The following KCNK10 variants were observed in gnomAD, a reference collection of about 807,000 sequenced individuals.
KCNK10 encodes the protein potassium channel subfamily K member 10.
In KCNK10, 25 loss-of-function variants were observed where a neutral mutation model predicts 47.7. The ratio of observed to expected loss-of-function variants is 0.52; its 90% confidence interval spans 0.38 to 0.73. KCNK10 has a LOEUF of 0.73. Among genes scored for constraint, KCNK10 ranks in the 30% least tolerant of loss-of-function variants. The probability of loss-of-function intolerance (pLI) is 0.00; values close to 1 mark genes in which losing one functional copy is unlikely to be tolerated. For missense variants in KCNK10, 563 were observed against 714.5 expected (o/e 0.79, Z 2.42); for synonymous variants, 303 against 285.6 (o/e 1.06, Z -0.61).
At chr14:88,274,567 G>A (rs867851233) in intron 1 of KCNK10, among the ~76,000 whole-genome samples, 694 of 19,266 alleles carry the variant, frequency 0.036, 8 homozygotes, top group East Asian at 0.078. Context: ...AAAAAAAAAA[G>A]ATCTTATGGC....
intron 1 of KCNK10, among the ~76,000 whole-genome samples, chr14:88,273,032 A>G (rs1032087222): frequency 1.3e-5 from 2 of 152,206 alleles, no homozygotes; most frequent in African/African-American, 4.8e-5. Context: ...CATGAGGCAT[A>G]AGGGACCAGA....
intron 1 of KCNK10, among the ~76,000 whole-genome samples, chr14:88,306,209 C>T (rs1176370225): frequency 6.6e-6 from 1 of 152,078 alleles, no homozygotes. Flanking sequence ...CCATGGTAGA[C>T]GAAATTCCTA....
At chr14:88,196,711 G>T (rs549555550) in intron 4 of KCNK10, among the ~76,000 whole-genome samples, 3 of 152,322 alleles carry the variant, frequency 2.0e-5, no homozygotes, top group East Asian at 3.9e-4. Context: ...GCAGAGCTCA[G>T]TTTACGGCTT....
intron 1 of KCNK10, among the ~76,000 whole-genome samples, chr14:88,285,453 G>T (rs1316284763): frequency 6.6e-6 from 1 of 152,114 alleles, no homozygotes; most frequent in African/African-American, 2.4e-5. Context: ...GTTGTGAGTG[G>T]CCTCTGTCTC....
intron 2 of KCNK10, among the ~76,000 whole-genome samples, chr14:88,255,698 A>G (rs1886935096): frequency 6.6e-6 from 1 of 151,954 alleles, no homozygotes. Context: ...CCAGGGAGTG[A>G]GATAACCTGC....
At chr14:88,242,491 A>C (rs897935895) in intron 2 of KCNK10, among the ~76,000 whole-genome samples, 3 of 152,192 alleles carry the variant, frequency 2.0e-5, no homozygotes, top group Non-Finnish European at 2.9e-5. Context: ...CAGGGGAAAA[A>C]AGCACCTTCT....
intron 1 of KCNK10, among the ~76,000 whole-genome samples, chr14:88,291,145 G>A (rs992361550): frequency 3.9e-5 from 6 of 152,202 alleles, no homozygotes; most frequent in Non-Finnish European, 7.3e-5. Flanking sequence ...GAAACTCCTG[G>A]TCGTGGAAAC....
rs1884422660 is a variant in KCNK10 at position 88,183,047 on chromosome 14, C to T, written c.*2488G>A. On this transcript the variant is annotated 3_prime_UTR_variant, in exon 7 of 7. Coordinates refer to ENST00000319231, the MANE Select transcript of KCNK10 (RefSeq NM_138317.3). ...CTGTGTCCATGAAGCTAGAAAGACA[C>T]ACATACACACAAACACACACAATCA... The T allele has an allele frequency of 1.3e-5, 2 of 152,348 alleles. No individual in the cohort carries two copies. The highest frequency in any genetic ancestry group is 2.4e-5 in the African/African-American group (1 of 41,434). 9.4% of individuals were successfully genotyped at this position (152,348 alleles called of 1,614,324 possible).
intron 4 of KCNK10, among the ~76,000 whole-genome samples, chr14:88,221,301 CAATAATAAT>C (rs55913907): frequency 6.9e-6 from 1 of 144,170 alleles, no homozygotes; most frequent in Non-Finnish European, 1.5e-5. Flanking sequence ...GACTCTGTCT[CAATAATAAT>C]AATAATAATA....
At chr14:88,189,649 T>C (rs781395966) in intron 5 of KCNK10, among the ~76,000 whole-genome samples, 4 of 152,122 alleles carry the variant, frequency 2.6e-5, no homozygotes, top group Non-Finnish European at 5.9e-5. Flanking sequence ...TGCGAAATAT[T>C]GTAAGGCTGT....
intron 3 of KCNK10, among the ~76,000 whole-genome samples, chr14:88,231,682 T>C (rs144899865): frequency 6.6e-6 from 1 of 152,312 alleles, no homozygotes; most frequent in African/African-American, 2.4e-5. Flanking sequence ...TTGAATTAGT[T>C]ACTGAGAAAG....
At chr14:88,302,186 T>C (rs1888114713) in intron 1 of KCNK10, among the ~76,000 whole-genome samples, 1 of 152,096 alleles carries the variant, frequency 6.6e-6, no homozygotes, top group Non-Finnish European at 1.5e-5. Context: ...GCGGTGCCCA[T>C]CAATGAGATG....
At chr14:88,288,732 A>T (rs1211665857) in intron 1 of KCNK10, among the ~76,000 whole-genome samples, 1 of 152,134 alleles carries the variant, frequency 6.6e-6, no homozygotes, top group Non-Finnish European at 1.5e-5. Context: ...CCGCCCAGCC[A>T]CACTGGTCTT....
At chr14:88,210,828 G>GA (rs1885432204) in intron 4 of KCNK10, among the ~76,000 whole-genome samples, 6 of 82,962 alleles carry the variant, frequency 7.2e-5, no homozygotes, top group African/African-American at 1.5e-4. Flanking sequence ...AAAAGTTAAA[G>GA]GAAAAAAAAA....
intron 4 of KCNK10, among the ~76,000 whole-genome samples, chr14:88,216,873 A>T (rs930503759): frequency 6.6e-6 from 1 of 152,140 alleles, no homozygotes; most frequent in Non-Finnish European, 1.5e-5. Context: ...AAATAAACTC[A>T]CGGCAGGGCG....
At chr14:88,224,906 G>A (rs189843196) in intron 4 of KCNK10, among the ~76,000 whole-genome samples, 1 of 152,138 alleles carries the variant, frequency 6.6e-6, no homozygotes, top group East Asian at 1.9e-4. Flanking sequence ...CACCATGCCC[G>A]GCAGAAAGCC....
intron 3 of KCNK10, chr14:88,235,253 G>T (rs1227293031): frequency 2.2e-6 from 1 of 456,632 alleles, no homozygotes. Context: ...TTGGCAGAAA[G>T]CTGGTCCAGG....
At chr14:88,207,277 A>T (rs919768569) in intron 4 of KCNK10, among the ~76,000 whole-genome samples, 5 of 145,278 alleles carry the variant, frequency 3.4e-5, no homozygotes, top group African/African-American at 7.8e-5. Flanking sequence ...GGTTCACGCC[A>T]TTCTCCTGCC....
At chr14:88,236,316 CA>C (rs3056657) in intron 3 of KCNK10, among the ~76,000 whole-genome samples, 90,834 of 145,928 alleles carry the variant, frequency 0.62, 29,380 homozygotes, top group Non-Finnish European at 0.72. Flanking sequence ...GACCCAGTCT[CA>C]AAAAAAAAAA....
Sources: allele counts gnomAD v4.1 joint callset (sites outside exome capture counted in the v4.1 genomes callset), GRCh38; gene constraint gnomAD v4.1.1; transcripts MANE v1.5; gene names NCBI Gene and HGNC (gene_info 2026-07-23, HGNC 2026-07-21).